CELF3: variants seen among roughly 807,000 people sequenced by gnomAD.
The protein encoded by CELF3 is CAG repeat domain.
In CELF3, 26 loss-of-function variants were observed where a neutral mutation model predicts 59.6. That is an observed-to-expected ratio of 0.44 (90% confidence interval 0.32 to 0.61). CELF3 has a LOEUF of 0.61. Among genes scored for constraint, CELF3 ranks in the 20% least tolerant of loss-of-function variants. CELF3 has a pLI of 0.06. For synonymous variants in CELF3, 245 were observed against 250.7 expected (o/e 0.98, Z 0.22); for missense variants, 387 against 627.2 (o/e 0.62, Z 4.09).
chr1:151,715,913 C>T lies in CELF3; in HGVS notation c.108G>A (p.Leu36=), dbSNP rs752809760. The T allele has an allele frequency of 6.2e-7, 1 of 1,614,020 alleles. No homozygotes were observed. Among genetic ancestry groups the T allele is most frequent in the African/African-American group, 1.3e-5 (1 of 74,924 alleles). The part of the protein sequence containing the change: ...IFEQFGRIFE[L]TVIKDKYTGL... ...CGGTGTACTTGTCCTTGATGACAGT[C>T]AGCTCAAAGATCCGACCAAACTGTT... Residue 36 remains leucine (L), a synonymous_variant, in exon 1 of 13, where the codon CTG becomes CTA. Transcript: ENST00000290583.
chr1:151,715,308 T>TCCC (rs1673386589), intron 1 of CELF3, among the ~76,000 whole-genome samples: 1 of 151,680 alleles, frequency 6.6e-6, no homozygotes, highest in Non-Finnish European at 1.5e-5. Flanking sequence ...CCCTCCCTTC[T>TCCC]CCCCCACTCT....
At position 151,716,041 on chromosome 1, in the gene CELF3, G is replaced by A; in HGVS notation, c.-21C>T. On this transcript the variant is annotated 5_prime_UTR_variant, in exon 1 of 13. Coordinates refer to ENST00000290583, the MANE Select transcript of CELF3 (RefSeq NM_007185.7). ...TTCATTGAGGCGGCCCAGGAGGAGGGGCCGAGGGGAGCAGGGAGAGGCCCA... is the reference window on the plus strand; with the variant it reads ...TTCATTGAGGCGGCCCAGGAGGAGGAGCCGAGGGGAGCAGGGAGAGGCCCA... 3 of 1,600,626 alleles carry A rather than the reference G, an allele frequency of 1.9e-6. No individual in the cohort carries two copies. The highest frequency in any genetic ancestry group is 1.7e-4 in the Middle Eastern group (1 of 5,996).
Position 151,707,235 on chromosome 1 carries a change from C to T in CELF3, c.832G>A (p.Gly278Ser). The change falls in exon 8 of 13, where the codon GGC (glycine) becomes AGC (serine). Residue 278 changes from glycine (G) to serine (S), a missense_variant. Transcript: ENST00000290583. ...GGCACCGGGCTGTAGCCGTTGACGC[C>T]CAGGGCAGCCGGAATGGCAGAGACA... ...TPVSAIPAALGVNGYSPVPTQ... is the reference protein window; with the variant it reads ...TPVSAIPAALSVNGYSPVPTQ... 1 of 1,555,230 alleles carries T rather than the reference C, an allele frequency of 6.4e-7. No homozygotes were observed. The highest frequency in any genetic ancestry group is 8.7e-7 in the Non-Finnish European group (1 of 1,153,364).
chr1:151,704,917 G>A, intron 12 of CELF3, 114 bp downstream of exon 12: 3 of 1,173,994 alleles, frequency 2.6e-6, no homozygotes, highest in Non-Finnish European at 2.4e-6. Context: ...GTCAAGGGTG[G>A]GGTGGGCATC....
rs768820438 is a variant in CELF3 at position 151,707,207 on chromosome 1, G to A, written c.860C>T (p.Thr287Ile). The A allele has an allele frequency of 1.3e-6, 2 of 1,539,276 alleles. No individual in the cohort carries two copies. Among genetic ancestry groups the A allele is most frequent in the Non-Finnish European group, 1.7e-6 (2 of 1,148,648 alleles). Residue 287 changes from threonine (T) to isoleucine (I), a missense_variant, in exon 8 of 13, where the codon ACC becomes ATC. This residue lies in a region of CELF3 where 131 missense variants were observed against 153.7 expected (regional missense o/e 0.85). Transcript: ENST00000290583. The part of the protein sequence containing the change: ...LGVNGYSPVP[T>I]QPTGQPAPDA... ...AGGGGCAGGCTGCCCAGTGGGCTGG[G>A]TGGGCACCGGGCTGTAGCCGTTGAC...
At chr1:151,714,358 C>T in intron 2 of CELF3, 1 of 614,376 alleles carries the variant, frequency 1.6e-6, no homozygotes, top group Non-Finnish European at 2.9e-6. Context: ...GGGGAAGGGG[C>T]TGCATCTGCT....
chr1:151,709,866 CAG>C lies in CELF3; in HGVS notation c.229-77_229-76del, dbSNP rs1672871290. The C allele has an allele frequency of 7.0e-7, 1 of 1,429,732 alleles. No homozygotes were observed. The highest frequency in any genetic ancestry group is 9.9e-7 in the Non-Finnish European group (1 of 1,011,820). 88.6% of individuals were successfully genotyped at this position (1,429,732 alleles called of 1,614,324 possible). Reference sequence around the variant, plus strand: ...AAGAGCCCTCCCAGGCCAGGCCCTGCAGAGAGACTAGAGGGGCAAGCCCCAGG... The same window carrying C: ...AAGAGCCCTCCCAGGCCAGGCCCTGCAGAGACTAGAGGGGCAAGCCCCAGG... On this transcript the variant is annotated intron_variant, in intron 2 of 12. Transcript: ENST00000290583. This position sits in a 1 kb window ranked among gnomAD's most constrained non-coding sequence, Gnocchi z 4.9.
At chr1:151,704,067 G>A (rs1479843607) in intron 12 of CELF3, among the ~76,000 whole-genome samples, 1 of 152,082 alleles carries the variant, frequency 6.6e-6, no homozygotes, top group Non-Finnish European at 1.5e-5. Flanking sequence ...TTCCCTCCGC[G>A]GCCCCTCCCC....
At chr1:151,714,468 G>T (rs1290878693) in intron 2 of CELF3, 126 bp downstream of exon 2, 5 of 743,618 alleles carry the variant, frequency 6.7e-6, no homozygotes, top group Non-Finnish European at 1.2e-5. Flanking sequence ...ATGCTACAGA[G>T]AGAGAGGGGG....
Position 151,703,544 on chromosome 1 carries a change from C to T in CELF3, c.*11-96G>A, listed in dbSNP as rs1472467213. 1.2e-5 allele frequency: 4 copies of T among 325,652 alleles called. No homozygotes were observed. The East Asian group carries it at 3.1e-4, about 25-fold the overall frequency. The allele number at this position is 325,652 out of a possible 1,614,324, so 20.2% of individuals were successfully genotyped here. ...GGGAGGGGGCTGGGGTGAGTGACAG[C>T]ATCTAGGATGGGGCTGCCTGAGGAA... On this transcript the variant is annotated intron_variant, in intron 12 of 12. Coordinates refer to ENST00000290583, the MANE Select transcript of CELF3 (RefSeq NM_007185.7).
intron 1 of CELF3, 125 bp downstream of exon 1, chr1:151,715,751 C>G: frequency 6.3e-7 from 1 of 1,596,846 alleles, no homozygotes; most frequent in African/African-American, 1.3e-5. Flanking sequence ...ATCCACTTTC[C>G]TCAGGCCTGA....
Position 151,709,487 on chromosome 1 carries a change from G to T in CELF3, c.278-139C>A. Reference sequence around the variant, plus strand: ...CAATGGCTGTAGGGGCTGATGGTTGGGGAATGGGGTATAGTTGCAGAGGGT... The same window carrying T: ...CAATGGCTGTAGGGGCTGATGGTTGTGGAATGGGGTATAGTTGCAGAGGGT... On this transcript the variant is annotated intron_variant, in intron 3 of 12. Transcript: ENST00000290583. This position sits in a 1 kb window ranked among gnomAD's most constrained non-coding sequence, Gnocchi z 4.9. 8.1e-7 allele frequency: 1 copy of T among 1,236,584 alleles called. No homozygotes were observed. Among genetic ancestry groups the T allele is most frequent in the Non-Finnish European group, 1.2e-6 (1 of 866,070 alleles). The allele number at this position is 1,236,584 out of a possible 1,614,324, so 76.6% of individuals were successfully genotyped here. A position where few individuals can be genotyped will look rare whatever the true frequency, so the allele number is the denominator to read the frequency against.
In CELF3 at chr1:151,702,178, C is replaced by T. The variant is rs1672122959; in HGVS notation, c.*1281G>A. Among the ~76,000 whole-genome samples the T allele has an allele frequency of 6.6e-6, 1 of 152,214 alleles. No homozygotes were observed. The highest frequency in any genetic ancestry group is 2.4e-5 in the African/African-American group (1 of 41,446). ...GGGGAGAGCCCCCGACAGGGGAGAT[C>T]TCCTTGTGCCGAACTCTGCAGGACA... is the stretch of plus-strand genomic sequence containing the variant. On this transcript the variant is annotated 3_prime_UTR_variant, in exon 13 of 13. Transcript: ENST00000290583.
intron 9 of CELF3, 130 bp from the exon 10 acceptor site, chr1:151,706,491 G>T: frequency 8.4e-7 from 1 of 1,188,480 alleles, no homozygotes; most frequent in Non-Finnish European, 1.2e-6. Context: ...CAGGGAAGGA[G>T]CTGCCTCAGA....
In CELF3 at chr1:151,716,308, G is replaced by C. The variant is rs1186458732; in HGVS notation, c.-288C>G. On this transcript the variant is annotated 5_prime_UTR_variant, in exon 1 of 13. Transcript: ENST00000290583. ...GAGATCTGGCAAATGTCCCAGGATG[G>C]GGGTGAGTATGGCCAAGACCTGGAG... The C allele has an allele frequency of 9.8e-6, 4 of 407,924 alleles. No individual in the cohort carries two copies. Among genetic ancestry groups the C allele is most frequent in the Non-Finnish European group, 1.8e-5 (4 of 225,766 alleles). 25.3% of individuals were successfully genotyped at this position (407,924 alleles called of 1,614,324 possible). A position where few individuals can be genotyped will look rare whatever the true frequency, so the allele number is the denominator to read the frequency against.
At chr1:151,703,566 G>C (rs1672248782) in intron 12 of CELF3, 118 bp from the exon 13 acceptor site, 1 of 312,880 alleles carries the variant, frequency 3.2e-6, no homozygotes, top group Non-Finnish European at 6.4e-6. Context: ...GGCTGCCTGA[G>C]GAAGGCAGAT....
chr1:151,704,194 G>T (rs905186964), intron 12 of CELF3, among the ~76,000 whole-genome samples: 6 of 152,012 alleles, frequency 3.9e-5, no homozygotes, highest in African/African-American at 1.4e-4. Flanking sequence ...GCCCTGGGCT[G>T]GGGGGGCCCC....
At position 151,714,649 on chromosome 1, in the gene CELF3, C is replaced by T. The variant is rs940641224; in HGVS notation, c.173G>A (p.Arg58Gln). The T allele has an allele frequency of 5.1e-6, 8 of 1,561,290 alleles. No individual in the cohort carries two copies. The highest frequency in any genetic ancestry group is 2.4e-5 in the East Asian group (1 of 41,694). The stretch of plus-strand genomic sequence containing the variant: ...GCTCTGGGCCTTCAGGGCTGAATCC[C>T]GGGCACAGTATGTCAGGAAGGCACA... ...KGCAFLTYCA[R>Q]DSALKAQSAL... The change falls in exon 2 of 13, where the codon CGG (arginine) becomes CAG (glutamine). Residue 58 changes from arginine to glutamine, a missense_variant. Transcript: ENST00000290583.
At chr1:151,707,342 C>A in intron 7 of CELF3, 48 bp from the exon 8 acceptor site, 1 of 1,554,176 alleles carries the variant, frequency 6.4e-7, no homozygotes, top group South Asian at 1.2e-5. Context: ...CAGACACACA[C>A]ACAGGCAGAG....
Sources: allele counts gnomAD v4.1 joint callset (sites outside exome capture counted in the v4.1 genomes callset), GRCh38; gene constraint gnomAD v4.1.1; regional missense constraint gnomAD v4.1.1; non-coding constraint Gnocchi (gnomAD v3.1); transcripts MANE v1.5; gene names NCBI Gene and HGNC (gene_info 2026-07-23, HGNC 2026-07-21).